Variants in LUZP2 observed in about 807,000 individuals in gnomAD.
LUZP2 encodes the protein leucine zipper protein 2.
A neutral mutation model predicts 51.6 loss-of-function variants in LUZP2; 52 were observed. The observed-to-expected ratio is 1.01, with a 90% CI of 0.81 to 1.27. The LOEUF (loss-of-function observed/expected upper bound fraction) is 1.27, where lower values mean the gene tolerates loss of function less well. Among genes scored for constraint, LUZP2 ranks in the 50% most tolerant of loss-of-function variants. The probability of loss-of-function intolerance (pLI) is 0.00; values close to 1 mark genes in which losing one functional copy is unlikely to be tolerated. For synonymous variants in LUZP2, 154 were observed against 137.3 expected, an observed-to-expected ratio of 1.12 and a Z score of -0.85; for missense variants, 436 against 395.4, an observed-to-expected ratio of 1.10 and a Z score of -0.87.
chr11:24,797,845 A>G (rs1165280649), intron 5 of LUZP2, among the ~76,000 whole-genome samples: 1 of 152,292 alleles, frequency 6.6e-6, no homozygotes, highest in Admixed American at 6.5e-5. Flanking sequence ...TGGGTTATGG[A>G]CAAAAGTTGA....
intron 1 of LUZP2, among the ~76,000 whole-genome samples, chr11:24,604,561 A>T (rs1257589591): frequency 3.3e-5 from 5 of 151,882 alleles, no homozygotes; most frequent in African/African-American, 1.2e-4. Context: ...GACACCAGAT[A>T]AAAAACGGTG....
intron 5 of LUZP2, among the ~76,000 whole-genome samples, chr11:24,836,101 T>C (rs2134189754): frequency 6.6e-6 from 1 of 152,086 alleles, no homozygotes; most frequent in Admixed American, 6.6e-5. Flanking sequence ...TTTCAAAGTT[T>C]GGGCTATAAT....
intron 5 of LUZP2, among the ~76,000 whole-genome samples, chr11:24,826,190 A>AAAAAAAAATATATATATAT (rs1215786412): frequency 8.1e-4 from 55 of 67,526 alleles, no homozygotes; most frequent in Non-Finnish European, 1.3e-3. Context: ...AAAAAAAAAA[A>AAAAAAAAATATATATATAT]ATATATATAT....
intron 7 of LUZP2, among the ~76,000 whole-genome samples, chr11:24,948,820 CTATCATCTATCT>C (rs1346354362): frequency 1.7e-5 from 1 of 59,768 alleles, no homozygotes; most frequent in African/African-American, 3.4e-5. Flanking sequence ...ATCTATCTAT[CTATCATCTATCT>C]ATCTATCTAT....
intron 9 of LUZP2, among the ~76,000 whole-genome samples, chr11:25,024,693 T>C (rs1481110770): frequency 6.6e-6 from 1 of 151,968 alleles, no homozygotes; most frequent in East Asian, 1.9e-4. Flanking sequence ...ATAGGAAGAA[T>C]CAATATTGCG....
intron 1 of LUZP2, among the ~76,000 whole-genome samples, chr11:24,627,823 C>G (rs1412548927): frequency 6.6e-6 from 1 of 152,176 alleles, no homozygotes; most frequent in Non-Finnish European, 1.5e-5. Flanking sequence ...TGTCTCTTGT[C>G]ACTATTCAGA....
intron 7 of LUZP2, among the ~76,000 whole-genome samples, chr11:24,965,495 G>T (rs1449719020): frequency 1.3e-5 from 2 of 151,476 alleles, no homozygotes; most frequent in Non-Finnish European, 3.0e-5. Context: ...TCACAAAAAG[G>T]CTGAATAAAT....
At chr11:24,892,388 A>G (rs540434718) in intron 5 of LUZP2, 89 of 985,008 alleles carry the variant, frequency 9.0e-5, no homozygotes, top group East Asian at 3.4e-4. Context: ...ACAACTCTCA[A>G]TTATACCCAG....
intron 1 of LUZP2, among the ~76,000 whole-genome samples, chr11:24,675,831 A>ATT: frequency 7.5e-6 from 1 of 133,478 alleles, no homozygotes; most frequent in African/African-American, 2.9e-5. Flanking sequence ...TTATTTATTT[A>ATT]TTTTTGAGAC....
chr11:25,032,748 G>A (rs1857727559), intron 9 of LUZP2, among the ~76,000 whole-genome samples: 1 of 152,138 alleles, frequency 6.6e-6, no homozygotes, highest in Non-Finnish European at 1.5e-5. Flanking sequence ...CAGAAAGGAT[G>A]CTGTAGGGTT....
intron 1 of LUZP2, among the ~76,000 whole-genome samples, chr11:24,587,677 T>G (rs1853119248): frequency 6.6e-6 from 1 of 152,076 alleles, no homozygotes; most frequent in Non-Finnish European, 1.5e-5. Flanking sequence ...CAATAACTAT[T>G]TTTTGAGTGC....
At chr11:24,603,608 A>T (rs1001110545) in intron 1 of LUZP2, among the ~76,000 whole-genome samples, 1 of 151,892 alleles carries the variant, frequency 6.6e-6, no homozygotes, top group Non-Finnish European at 1.5e-5. Flanking sequence ...TCAAATATCT[A>T]GATACATATA....
chr11:24,993,892 G>A (rs934692748), intron 9 of LUZP2, among the ~76,000 whole-genome samples: 22 of 151,784 alleles, frequency 1.4e-4, no homozygotes, highest in African/African-American at 4.4e-4. Flanking sequence ...ATAGAGTCTC[G>A]CTCTGTTGCC....
intron 5 of LUZP2, among the ~76,000 whole-genome samples, chr11:24,873,419 GTT>G (rs1590669485): frequency 6.6e-6 from 1 of 152,310 alleles, no homozygotes; most frequent in African/African-American, 2.4e-5. Flanking sequence ...GGCCTTTGGA[GTT>G]TGTGTGAATT....
At chr11:24,562,227 A>G (rs1340219598) in intron 1 of LUZP2, among the ~76,000 whole-genome samples, 1 of 152,174 alleles carries the variant, frequency 6.6e-6, no homozygotes, top group Non-Finnish European at 1.5e-5. Context: ...AAACGCAAAG[A>G]GACATTGCCC....
intron 5 of LUZP2, among the ~76,000 whole-genome samples, chr11:24,798,214 T>TA (rs1242217353): frequency 1.2e-4 from 18 of 151,176 alleles, no homozygotes; most frequent in Non-Finnish European, 1.2e-4. Flanking sequence ...TTTTTTTTAT[T>TA]ATTTATGTAT....
At chr11:24,981,959 C>T (rs1856043919) in intron 8 of LUZP2, among the ~76,000 whole-genome samples, 1 of 151,866 alleles carries the variant, frequency 6.6e-6, no homozygotes, top group South Asian at 2.1e-4. Context: ...CATGCATGAA[C>T]AGACACTTTT....
At chr11:24,904,651 T>C (rs1853389814) in intron 5 of LUZP2, among the ~76,000 whole-genome samples, 1 of 152,158 alleles carries the variant, frequency 6.6e-6, no homozygotes, top group Non-Finnish European at 1.5e-5. Context: ...TGGTTTGTTC[T>C]AGATAGTAAC....
chr11:24,640,877 A>G (rs183179040), intron 1 of LUZP2, among the ~76,000 whole-genome samples: 67 of 151,774 alleles, frequency 4.4e-4, no homozygotes, highest in Middle Eastern at 3.4e-3. Flanking sequence ...TTTTTATATG[A>G]AAGTGTACTG....
Sources: gnomAD v4.1 joint callset for allele counts (sites outside exome capture counted in the v4.1 genomes callset) on GRCh38, gnomAD v4.1.1 for gene constraint, MANE v1.5 for transcripts, NCBI Gene and HGNC (gene_info 2026-07-23, HGNC 2026-07-21) for gene names.